The following ACOX3 variants were observed in gnomAD, a reference collection of about 807,000 sequenced individuals.
ACOX3 encodes the protein peroxisomal acyl-coenzyme A oxidase 3.
A neutral mutation model predicts 81.5 loss-of-function variants in ACOX3; 73 were observed. The observed-to-expected ratio is 0.90, with a 90% confidence interval of 0.74 to 1.09. The LOEUF (loss-of-function observed/expected upper bound fraction) is 1.09. Ranked by LOEUF, ACOX3 falls within the 50% of genes least tolerant of loss-of-function variation. The probability of loss-of-function intolerance (pLI) is 0.00; values close to 1 mark genes in which losing one functional copy is unlikely to be tolerated. For synonymous variants in ACOX3, 387 were observed against 375.1 expected, an observed-to-expected ratio of 1.03 and a Z score of -0.37; for missense variants, 947 against 928.0, an observed-to-expected ratio of 1.02 and a Z score of -0.27.
chr4:8,433,286 G>A (rs762186787), intron 1 of ACOX3, among the ~76,000 whole-genome samples: 1 of 152,184 alleles, frequency 6.6e-6, no homozygotes, highest in Non-Finnish European at 1.5e-5. Context: ...GATTAGGGTT[G>A]GCCCTAATCC....
rs1722292885 is a variant in ACOX3 at position 8,416,008 on chromosome 4, G to C, written c.145-9C>G. The C allele has an allele frequency of 6.2e-7, 1 of 1,611,922 alleles. No homozygotes were observed. Among genetic ancestry groups the C allele is most frequent in the Non-Finnish European group, 8.5e-7 (1 of 1,178,132 alleles). On this transcript the variant is annotated splice_polypyrimidine_tract_variant and intron_variant, in intron 2 of 17. Transcript: ENST00000356406. This position sits in a 1 kb window ranked among gnomAD's most constrained non-coding sequence, Gnocchi z 4.2. ...GCTGAGAAGATGGTTTTCTGGAAAT[G>C]CAGGAGATGGGTAAGGCTTATTTGG...
At chr4:8,356,978 G>T in the ACOX3 span, 1 of 454,400 alleles carries the variant, frequency 2.2e-6, no homozygotes. Context: ...ATGCTAAGAT[G>T]ACCCTGGCAG....
chr4:8,389,620 T>C lies in ACOX3; in HGVS notation c.1415A>G (p.Gln472Arg). 2 of 1,613,854 alleles carry C rather than the reference T, an allele frequency of 1.2e-6. No individual in the cohort carries two copies. Among genetic ancestry groups the C allele is most frequent in the Non-Finnish European group, 8.5e-7 (1 of 1,179,982 alleles). ...SNYLLGLLAH[Q>R]VHDGACFRSP... Reference sequence around the variant, plus strand: ...GTGCAGCAGAGCCTCACCGTGGACCTGGTGTGCCAGGAGACCCAGCAAATA... The same window carrying C: ...GTGCAGCAGAGCCTCACCGTGGACCCGGTGTGCCAGGAGACCCAGCAAATA... Residue 472 changes from glutamine (Q) to arginine (R), a missense_variant, in exon 12 of 18, where the codon CAG (glutamine) becomes CGG (arginine). Coordinates refer to ENST00000356406, the MANE Select transcript of ACOX3 (RefSeq NM_003501.3). This position sits in a 1 kb window ranked among gnomAD's most constrained non-coding sequence, Gnocchi z 5.3.
In ACOX3 at chr4:8,394,684, G is replaced by C; in HGVS notation, c.1115C>G (p.Ser372Trp). 6.2e-7 allele frequency: 1 copy of C among 1,613,876 alleles called. No individual in the cohort carries two copies. The highest frequency in any genetic ancestry group is 8.5e-7 in the Non-Finnish European group (1 of 1,179,990). Residue 372 changes from serine to tryptophan, a missense_variant, in exon 10 of 18, where the codon TCG (serine) becomes TGG (tryptophan). Ser to Trp is a radical substitution (Grantham distance 177, BLOSUM62 -3). Transcript: ENST00000356406. The surrounding 1 kb of genome is among the most constrained non-coding windows in gnomAD (Gnocchi z 5.9). ...AVYALDHFSKSLFLDLVELQR... is the reference protein window; with the variant it reads ...AVYALDHFSKWLFLDLVELQR... ...GAGCTCCACCAGGTCCAGGAAGAGC[G>C]ACTTGGAGAAATGGTCTAAGGCGTA...
chr4:8,359,157 A>G, the ACOX3 span, among the ~76,000 whole-genome samples: 1 of 152,144 alleles, frequency 6.6e-6, no homozygotes, highest in Non-Finnish European at 1.5e-5. This position sits in a 1 kb window ranked among gnomAD's most constrained non-coding sequence, Gnocchi z 6.0. Context: ...AACTTTGGGT[A>G]AGTGGTAGGG....
intron 1 of ACOX3, among the ~76,000 whole-genome samples, chr4:8,424,274 TAAG>T (rs890205741): frequency 4.6e-5 from 7 of 152,190 alleles, no homozygotes; most frequent in Non-Finnish European, 1.0e-4. Flanking sequence ...ACCCATTTAG[TAAG>T]AAGGACACCT....
At position 8,406,535 on chromosome 4, in the gene ACOX3, C is replaced by T. The variant is rs987523575; in HGVS notation, c.688-492G>A. 1.3e-5 allele frequency among the ~76,000 whole-genome samples: 2 copies of T among 151,590 alleles called. No homozygotes were observed. The highest frequency in any genetic ancestry group is 2.9e-5 in the Non-Finnish European group (2 of 68,024). On this transcript the variant is annotated intron_variant, in intron 6 of 17. Coordinates refer to ENST00000356406, the MANE Select transcript of ACOX3 (RefSeq NM_003501.3). This position sits in a 1 kb window ranked among gnomAD's most constrained non-coding sequence, Gnocchi z 5.6. ...CCGGGGGACCACTACCACCAAGACA[C>T]GGAGACCGGTAGTGGCCCCGAAGGC... is the stretch of plus-strand genomic sequence containing the variant.
intron 5 of ACOX3, among the ~76,000 whole-genome samples, chr4:8,410,903 T>C (rs2108958383): frequency 6.6e-6 from 1 of 152,352 alleles, no homozygotes; most frequent in African/African-American, 2.4e-5. Context: ...AAGGAACGCA[T>C]GCGTGAACTA....
intron 7 of ACOX3, among the ~76,000 whole-genome samples, chr4:8,403,428 G>C (rs1236344885): frequency 6.6e-6 from 1 of 152,180 alleles, no homozygotes; most frequent in East Asian, 1.9e-4. Context: ...CAGGCCGCCT[G>C]CATCACCCCG....
chr4:8,377,844 C>G (rs1368884452), intron 14 of ACOX3, among the ~76,000 whole-genome samples: 1 of 152,198 alleles, frequency 6.6e-6, no homozygotes, highest in Non-Finnish European at 1.5e-5. Context: ...GTCCCTCCCC[C>G]ACGGACAAAG....
rs202193869 is a variant in ACOX3, at chr4:8,410,179, C to A, written c.687+33G>T. 1.6e-5 allele frequency: 26 copies of A among 1,602,984 alleles called. No individual in the cohort carries two copies. In the African/African-American group the frequency reaches 3.2e-4, roughly 20 times the overall value. On this transcript the variant is annotated intron_variant, in intron 6 of 17. Transcript: ENST00000356406. Reference sequence around the variant, plus strand: ...TACCAGTGCTTCCTGGGGGTAAACACTGCCCCCACTGAGGGCCACCCCAGC... The same window carrying A: ...TACCAGTGCTTCCTGGGGGTAAACAATGCCCCCACTGAGGGCCACCCCAGC...
rs200412115 is a variant in ACOX3, at chr4:8,416,367, G to T, written c.144+11C>A. The T allele has an allele frequency of 1.7e-5, 27 of 1,614,094 alleles. No individual in the cohort carries two copies. The highest frequency in any genetic ancestry group is 2.3e-5 in the Non-Finnish European group (27 of 1,180,034). On this transcript the variant is annotated intron_variant, in intron 2 of 17. Coordinates refer to ENST00000356406, the MANE Select transcript of ACOX3 (RefSeq NM_003501.3). The surrounding 1 kb of genome is among the most constrained non-coding windows in gnomAD (Gnocchi z 4.2). Reference sequence around the variant, plus strand: ...GAAAAAAGACAAGCTGCGCACAACCGCACGCCTCACCTTAAAGCGGAGCAT... The same window carrying T: ...GAAAAAAGACAAGCTGCGCACAACCTCACGCCTCACCTTAAAGCGGAGCAT...
intron 1 of ACOX3, among the ~76,000 whole-genome samples, chr4:8,424,673 C>T (rs1723280052): frequency 6.6e-6 from 1 of 152,222 alleles, no homozygotes; most frequent in Admixed American, 6.5e-5. Flanking sequence ...CTTGAAGGGC[C>T]AGTGCTGCGA....
Position 8,407,353 on chromosome 4 carries a change from C to T in ACOX3, c.688-1310G>A, listed in dbSNP as rs1040218038. ...TATATTTTATTACACTGGAACAGCT[C>T]GTGTCCTCAGTCTCTTGCCTCGGCA... On this transcript the variant is annotated intron_variant, in intron 6 of 17. Coordinates refer to ENST00000356406, the MANE Select transcript of ACOX3 (RefSeq NM_003501.3). The surrounding 1 kb of genome is among the most constrained non-coding windows in gnomAD (Gnocchi z 4.6). 1.7e-4 allele frequency among the ~76,000 whole-genome samples: 26 copies of T among 152,222 alleles called. No homozygotes were observed. The highest frequency in any genetic ancestry group is 5.5e-4 in the African/African-American group (23 of 41,454).
intron 8 of ACOX3, 53 bp from the exon 9 acceptor site, chr4:8,397,172 G>T (rs1719806486): frequency 3.4e-6 from 5 of 1,474,210 alleles, no homozygotes; most frequent in Middle Eastern, 4.8e-4. Context: ...GGCCACCTTG[G>T]GCAGAGTGGC....
intron 10 of ACOX3, among the ~76,000 whole-genome samples, chr4:8,394,000 C>T (rs1578910776): frequency 6.6e-6 from 1 of 152,218 alleles, no homozygotes; most frequent in African/African-American, 2.4e-5. Context: ...TCAAGATATG[C>T]TAATTAGATA....
chr4:8,390,558 G>T lies in ACOX3; in HGVS notation c.1301-824C>A, dbSNP rs150133641. On this transcript the variant is annotated intron_variant, in intron 11 of 17. Transcript: ENST00000356406. ...TGAATGAACTCTTCTTTTAACACAG[G>T]AAATTTCAAGATAACTGTTTTTTGT... 5.3e-4 allele frequency among the ~76,000 whole-genome samples: 80 copies of T among 152,318 alleles called. 1 individual carries two copies. In the East Asian group the frequency reaches 0.015, roughly 29 times the overall value.
downstream of ACOX3, among the ~76,000 whole-genome samples, chr4:8,365,668 T>C (rs1258020639): frequency 2.0e-5 from 3 of 152,044 alleles, no homozygotes; most frequent in African/African-American, 4.8e-5. Flanking sequence ...CTCAGTAAGG[T>C]GCTGGCAGGC....
At position 8,416,073 on chromosome 4, in the gene ACOX3, C is replaced by T; in HGVS notation, c.145-74G>A. 1 of 1,445,180 alleles carries T rather than the reference C, an allele frequency of 6.9e-7. No individual in the cohort carries two copies. The allele number at this position is 1,445,180 out of a possible 1,614,324, so 89.5% of individuals were successfully genotyped here. A position where few individuals can be genotyped will look rare whatever the true frequency, so the allele number is the denominator to read the frequency against. On this transcript the variant is annotated intron_variant, in intron 2 of 17. Coordinates refer to ENST00000356406, the MANE Select transcript of ACOX3 (RefSeq NM_003501.3). This position sits in a 1 kb window ranked among gnomAD's most constrained non-coding sequence, Gnocchi z 4.2. ...TCTCCATGTGCCCTTATATAGTTGACCTCCAGGCCACAGGCTTCATGGGAC... is the reference window on the plus strand; with the variant it reads ...TCTCCATGTGCCCTTATATAGTTGATCTCCAGGCCACAGGCTTCATGGGAC...
Sources: gnomAD v4.1 joint callset for allele counts (sites outside exome capture counted in the v4.1 genomes callset) on GRCh38, gnomAD v4.1.1 for gene constraint, Gnocchi (gnomAD v3.1) non-coding constraint, MANE v1.5 for transcripts, NCBI Gene and HGNC (gene_info 2026-07-23, HGNC 2026-07-21) for gene names.